The following ARHGAP22 variants were observed in gnomAD, a reference collection of about 807,000 sequenced individuals.
The protein encoded by ARHGAP22 is rho GTPase-activating protein 22.
Under a neutral mutation model 59.1 loss-of-function variants are expected in ARHGAP22, and 48 were observed. The observed-to-expected ratio is 0.81, with a 90% CI of 0.64 to 1.03. The LOEUF is 1.03. Ranked by LOEUF, ARHGAP22 falls within the 50% of genes least tolerant of loss-of-function variation. ARHGAP22 has a pLI of 0.00. For synonymous variants in ARHGAP22, 445 were observed against 416.4 expected (o/e 1.07, Z -0.84); for missense variants, 1,015 against 958.7 (o/e 1.06, Z -0.78).
chr10:48,586,105 A>G (rs1156518793), intron 1 of ARHGAP22, among the ~76,000 whole-genome samples: 1 of 151,926 alleles, frequency 6.6e-6, no homozygotes, highest in Non-Finnish European at 1.5e-5. Flanking sequence ...CCTCCTTTAT[A>G]TCTATGGCTG....
intron 3 of ARHGAP22, among the ~76,000 whole-genome samples, chr10:48,531,811 T>G (rs12777190): frequency 0.69 from 104,780 of 151,658 alleles, 37,495 homozygotes; most frequent in Middle Eastern, 0.79. Flanking sequence ...AAATGTTTTT[T>G]GGGGAAAAGG....
chr10:48,469,151 C>A (rs1347973287), intron 4 of ARHGAP22, among the ~76,000 whole-genome samples: 2 of 152,212 alleles, frequency 1.3e-5, no homozygotes, highest in Non-Finnish European at 2.9e-5. Context: ...GTCAGACTGG[C>A]CAGTCTCTGC....
At position 48,456,533 on chromosome 10, in the gene ARHGAP22, C is replaced by T. The variant is rs377320794; in HGVS notation, c.660-1399G>A. On this transcript the variant is annotated intron_variant, in intron 5 of 9. Transcript: ENST00000249601. ...AGGCTTGAGCCCAGCGGCCCCTTCC[C>T]CACTGGGAGCCCGTGGCTTCAGTGG... Among the ~76,000 whole-genome samples the T allele has an allele frequency of 9.8e-5, 15 of 152,342 alleles. 1 individual carries two copies. The South Asian group carries it at 1.4e-3, about 15-fold the overall frequency.
At chr10:48,487,945 C>T (rs2050013049) in intron 3 of ARHGAP22, among the ~76,000 whole-genome samples, 1 of 152,182 alleles carries the variant, frequency 6.6e-6, no homozygotes, top group Non-Finnish European at 1.5e-5. Context: ...CATGACCAAG[C>T]CTGTGGTTCC....
In ARHGAP22 at chr10:48,515,559, G is replaced by A. The variant is rs531499053; in HGVS notation, c.323-35795C>T. Among the ~76,000 whole-genome samples, 3 of 152,216 alleles carry A rather than the reference G, an allele frequency of 2.0e-5. No homozygotes were observed. The East Asian group carries it at 5.8e-4, about 29-fold the overall frequency. ...AAACAGAAGACTTGAATAACATAAGGAATCAAGCAGACCTAACATACAACT... is the reference window on the plus strand; with the variant it reads ...AAACAGAAGACTTGAATAACATAAGAAATCAAGCAGACCTAACATACAACT... On this transcript the variant is annotated intron_variant, in intron 3 of 9. Transcript: ENST00000249601.
intron 3 of ARHGAP22, among the ~76,000 whole-genome samples, chr10:48,541,335 C>G (rs908260570): frequency 1.3e-5 from 2 of 152,202 alleles, no homozygotes; most frequent in Non-Finnish European, 2.9e-5. Context: ...AGAATTTTAT[C>G]TACATCTTTG....
At chr10:48,454,017 T>A (rs1221156699) in intron 7 of ARHGAP22, 71 bp downstream of exon 7, 2 of 1,488,048 alleles carry the variant, frequency 1.3e-6, no homozygotes, top group African/African-American at 2.8e-5. Flanking sequence ...GAGTTGCGTG[T>A]CTCGCTGTGG....
chr10:48,571,888 C>A (rs4989811), intron 2 of ARHGAP22, among the ~76,000 whole-genome samples: 58,746 of 152,010 alleles, frequency 0.39, 12,791 homozygotes, highest in East Asian at 0.89. Context: ...GACATTCTTA[C>A]AGAATGGTGG....
chr10:48,606,316 C>A (rs527933798), upstream of ARHGAP22, among the ~76,000 whole-genome samples: 9 of 152,016 alleles, frequency 5.9e-5, no homozygotes, highest in Non-Finnish European at 1.3e-4. Flanking sequence ...AACAGTGTGC[C>A]CTATGGAGAG....
Position 48,450,498 on chromosome 10 carries a change from TGCAGGGAACTGCGG to T in ARHGAP22, c.1617_1630del (p.Arg540HisfsTer61). On this transcript the variant is annotated frameshift_variant, in exon 9 of 10. Transcript: ENST00000249601. LOFTEE classifies it high-confidence loss of function. ...GGAGGGCTCCAGGGCCCAGTCGGTG[TGCAGGGAACTGCGG>T]GCAGACGAGTCGCTGGCGCGGCAGG... The T allele has an allele frequency of 6.5e-7, 1 of 1,530,390 alleles. No individual in the cohort carries two copies. Among genetic ancestry groups the T allele is most frequent in the Non-Finnish European group, 8.8e-7 (1 of 1,138,006 alleles). The allele number at this position is 1,530,390 out of a possible 1,614,324, so 94.8% of individuals were successfully genotyped here. A position where few individuals can be genotyped will look rare whatever the true frequency, so the allele number is the denominator to read the frequency against.
chr10:48,557,562 C>T (rs1375758243), intron 2 of ARHGAP22, among the ~76,000 whole-genome samples: 1 of 152,190 alleles, frequency 6.6e-6, no homozygotes, highest in Admixed American at 6.5e-5. Flanking sequence ...GTGCCCACCG[C>T]CCACAAGGGT....
chr10:48,497,530 G>C (rs1180642520), intron 3 of ARHGAP22, among the ~76,000 whole-genome samples: 1 of 152,224 alleles, frequency 6.6e-6, no homozygotes, highest in African/African-American at 2.4e-5. Flanking sequence ...GGTGGTCAGC[G>C]GACGCTGTGT....
At chr10:48,516,453 A>G (rs2053296999) in intron 3 of ARHGAP22, among the ~76,000 whole-genome samples, 2 of 152,132 alleles carry the variant, frequency 1.3e-5, no homozygotes, top group Admixed American at 6.5e-5. Flanking sequence ...GCTGGAGCCC[A>G]GAGGTTTGAA....
intron 1 of ARHGAP22, among the ~76,000 whole-genome samples, chr10:48,631,999 G>T (rs888677955): frequency 2.0e-5 from 3 of 151,870 alleles, no homozygotes; most frequent in African/African-American, 4.8e-5. Context: ...ATACTTTTGG[G>T]GTACAGGTGG....
intron 9 of ARHGAP22, among the ~76,000 whole-genome samples, chr10:48,447,183 G>A (rs766566574): frequency 4.6e-5 from 7 of 152,172 alleles, no homozygotes; most frequent in Non-Finnish European, 8.8e-5. Context: ...GGTCACAATG[G>A]TGCTCCTCTG....
chr10:48,635,664 G>A (rs1589262745), intron 1 of ARHGAP22, among the ~76,000 whole-genome samples: 2 of 152,242 alleles, frequency 1.3e-5, no homozygotes, highest in South Asian at 2.1e-4. Context: ...CCCTGTGGAA[G>A]TGAGTCTTGG....
At chr10:48,582,336 C>A (rs2059167570) in intron 2 of ARHGAP22, among the ~76,000 whole-genome samples, 1 of 152,202 alleles carries the variant, frequency 6.6e-6, no homozygotes, top group South Asian at 2.1e-4. Context: ...GCTTCTGGCC[C>A]AGGTGTCTTG....
At chr10:48,594,469 G>A (rs1200611753) in intron 1 of ARHGAP22, among the ~76,000 whole-genome samples, 1 of 152,224 alleles carries the variant, frequency 6.6e-6, no homozygotes, top group Non-Finnish European at 1.5e-5. Flanking sequence ...AGCTGCCAAA[G>A]CTCAGACATT....
At chr10:48,577,732 G>T (rs1229507975) in intron 2 of ARHGAP22, among the ~76,000 whole-genome samples, 1 of 149,918 alleles carries the variant, frequency 6.7e-6, no homozygotes, top group Non-Finnish European at 1.5e-5. Context: ...TTACAGCTGA[G>T]TCGGGGCGGG....
Sources: allele counts gnomAD v4.1 joint callset (sites outside exome capture counted in the v4.1 genomes callset), GRCh38; gene constraint gnomAD v4.1.1; transcripts MANE v1.5; gene names NCBI Gene and HGNC (gene_info 2026-07-23, HGNC 2026-07-21).